The following AASDH variants were observed in gnomAD, a reference collection of about 807,000 sequenced individuals.
AASDH encodes aminoadipate-semialdehyde dehydrogenase.
Under a neutral mutation model 102.3 loss-of-function variants are expected in AASDH, and 81 were observed. The observed-to-expected ratio is 0.79, with a 90% CI of 0.66 to 0.95. AASDH has a LOEUF of 0.95. Ranked by LOEUF, AASDH falls within the 40% of genes least tolerant of loss-of-function variation. AASDH has a pLI of 0.00. For missense variants in AASDH, 1,203 were observed against 1,266.2 expected (o/e 0.95, Z 0.76); for synonymous variants, 398 against 454.0 (o/e 0.88, Z 1.57).
At chr4:56,363,022 C>A (rs527900210) in intron 5 of AASDH, among the ~76,000 whole-genome samples, 59 of 152,368 alleles carry the variant, frequency 3.9e-4, no homozygotes, top group African/African-American at 1.4e-3. Context: ...GTCACTCCCA[C>A]ACTAATACTG....
At chr4:56,350,484 TATAAA>T (rs542572185) in intron 10 of AASDH, among the ~76,000 whole-genome samples, 116 of 151,792 alleles carry the variant, frequency 7.6e-4, no homozygotes, top group African/African-American at 2.7e-3. Context: ...CAATTAGAAA[TATAAA>T]ATAAATACTT....
chr4:56,346,632 T>C (rs1171410457), intron 11 of AASDH, among the ~76,000 whole-genome samples: 1 of 152,164 alleles, frequency 6.6e-6, no homozygotes, highest in Admixed American at 6.5e-5. Context: ...ATCTGATAAA[T>C]GATTTATATT....
chr4:56,371,949 C>G (rs1390547362), intron 4 of AASDH, among the ~76,000 whole-genome samples: 2 of 152,110 alleles, frequency 1.3e-5, no homozygotes, highest in Non-Finnish European at 1.5e-5. Flanking sequence ...AGTATGTTTC[C>G]TGTTAGGGAA....
chr4:56,342,956 T>A lies in AASDH; in HGVS notation c.2786A>T (p.Asn929Ile), dbSNP rs760055584. Residue 929 changes from asparagine (N) to isoleucine (I), a missense_variant, in exon 14 of 15, where the codon AAC (asparagine) becomes ATC (isoleucine). By Grantham distance (149) the Asn-to-Ile change is moderately radical. Transcript: ENST00000205214. ...LLLAVNPATGNVIWKHSCGKP... is the reference protein window; with the variant it reads ...LLLAVNPATGIVIWKHSCGKP... ...TCCACAGGAATGTTTCCAAATAACGTTCCCAGTAGCCTGTCACAGGAAAAA... is the reference window on the plus strand; with the variant it reads ...TCCACAGGAATGTTTCCAAATAACGATCCCAGTAGCCTGTCACAGGAAAAA... 2.5e-6 allele frequency: 4 copies of A among 1,584,104 alleles called. No individual in the cohort carries two copies. In the African/African-American group the frequency reaches 4.1e-5, roughly 16 times the overall value.
intron 14 of AASDH, among the ~76,000 whole-genome samples, chr4:56,341,199 C>T (rs184246699): frequency 4.6e-5 from 7 of 152,230 alleles, no homozygotes; most frequent in African/African-American, 1.2e-4. Context: ...ACAACCTGCA[C>T]TCCCATCTCC....
At chr4:56,365,120 G>C (rs1302921514) in intron 5 of AASDH, among the ~76,000 whole-genome samples, 1 of 152,104 alleles carries the variant, frequency 6.6e-6, no homozygotes, top group Non-Finnish European at 1.5e-5. Flanking sequence ...AAGAGACAAA[G>C]AAGGCCATTA....
At position 56,338,711 on chromosome 4, in the gene AASDH, G is replaced by T. The variant is rs1436388990; in HGVS notation, c.2988C>A (p.Ser996=). Residue 996 remains serine (S), a synonymous_variant, in exon 15 of 15, where the codon TCC becomes TCA. Coordinates refer to ENST00000205214, the MANE Select transcript of AASDH (RefSeq NM_181806.4). The part of the protein sequence containing the change: ...SPSEQKIFFG[S]HDCFIYCCNM... ...TACAACAGTAGATAAAGCAATCATG[G>T]GAACCAAAAAATATTTTTTGCTCTG... 1.2e-6 allele frequency: 2 copies of T among 1,613,924 alleles called. No individual in the cohort carries two copies. Among genetic ancestry groups the T allele is most frequent in the Admixed American group, 3.3e-5 (2 of 59,978 alleles).
chr4:56,344,940 CTT>C (rs11357105), intron 12 of AASDH, among the ~76,000 whole-genome samples, 185 bp downstream of exon 12: 3,149 of 124,052 alleles, frequency 0.025, 38 homozygotes, highest in South Asian at 0.05. Flanking sequence ...AATTTTCTTT[CTT>C]TTTTTTTTTT....
chr4:56,353,196 C>A (rs1485257833), intron 9 of AASDH, among the ~76,000 whole-genome samples: 1 of 152,082 alleles, frequency 6.6e-6, no homozygotes, highest in Non-Finnish European at 1.5e-5. Flanking sequence ...GCCTTATTTT[C>A]TTCATCTGTA....
At chr4:56,346,089 T>C (rs1265692778) in intron 11 of AASDH, among the ~76,000 whole-genome samples, 2 of 152,200 alleles carry the variant, frequency 1.3e-5, no homozygotes, top group African/African-American at 2.4e-5. Context: ...GTAGCCAAAA[T>C]AACCTAACTG....
rs1380923337 is a variant in AASDH, at chr4:56,353,458, G to A, written c.1522C>T (p.His508Tyr). Residue 508 changes from histidine (H) to tyrosine (Y), a missense_variant, in exon 9 of 15, where the codon CAT becomes TAT. Coordinates refer to ENST00000205214, the MANE Select transcript of AASDH (RefSeq NM_181806.4). The stretch of plus-strand genomic sequence containing the variant: ...AATACAAGCTCATCCGGGACTGCAT[G>A]ACTTGGAAGATATTTCTGCAGTTCT... ...FKELQKYLPS[H>Y]AVPDELVLID... The A allele has an allele frequency of 6.2e-7, 1 of 1,613,886 alleles. No individual in the cohort carries two copies.
chr4:56,347,692 G>C (rs4864578), intron 11 of AASDH, among the ~76,000 whole-genome samples: 1 of 151,814 alleles, frequency 6.6e-6, no homozygotes, highest in East Asian at 1.9e-4. Flanking sequence ...GCTTGAGCCC[G>C]GGAGTTTGAG....
chr4:56,349,844 A>C lies in AASDH; in HGVS notation c.1907T>G (p.Val636Gly). 1 of 1,614,168 alleles carries C rather than the reference A, an allele frequency of 6.2e-7. No homozygotes were observed. The highest frequency in any genetic ancestry group is 1.1e-5 in the South Asian group (1 of 91,082). The change falls in exon 11 of 15, where the codon GTG (valine) becomes GGG (glycine). Residue 636 changes from valine to glycine, a missense_variant. Coordinates refer to ENST00000205214, the MANE Select transcript of AASDH (RefSeq NM_181806.4). ...ILQTVVPDED[V>G]TFRKSCATKR... ...TGTGGCACAACTCTTCCTGAATGTC[A>C]CATCTTCATCTGGAACCACTGTTTG...
intron 9 of AASDH, among the ~76,000 whole-genome samples, chr4:56,351,778 A>T (rs1307637479): frequency 1.3e-5 from 2 of 151,900 alleles, no homozygotes; most frequent in African/African-American, 2.4e-5. Flanking sequence ...CAGAAAAATT[A>T]AAAAATTGGC....
At chr4:56,365,686 A>C (rs1457837798) in intron 5 of AASDH, among the ~76,000 whole-genome samples, 1 of 152,206 alleles carries the variant, frequency 6.6e-6, no homozygotes, top group Non-Finnish European at 1.5e-5. Context: ...ACAAAGACAC[A>C]ACATACCAGA....
At chr4:56,381,584 C>CA (rs564727163) in intron 3 of AASDH, among the ~76,000 whole-genome samples, 1,936 of 124,444 alleles carry the variant, frequency 0.016, 50 homozygotes, top group African/African-American at 0.051. Flanking sequence ...GACTCTGGCT[C>CA]AAAAAAAAAA....
rs1291991858 is a variant in AASDH, at chr4:56,345,116, T to C, written c.2652+11A>G. On this transcript the variant is annotated intron_variant, in intron 12 of 14. Transcript: ENST00000205214. ...GCCACCATGCCCAGCTAATTTGAGGTCAATCCTTACATAAATATCTAAAGC... is the reference window on the plus strand; with the variant it reads ...GCCACCATGCCCAGCTAATTTGAGGCCAATCCTTACATAAATATCTAAAGC... The C allele has an allele frequency of 6.2e-7, 1 of 1,613,190 alleles. No individual in the cohort carries two copies.
At chr4:56,356,317 G>A in intron 5 of AASDH, 1 of 1,409,224 alleles carries the variant, frequency 7.1e-7, no homozygotes, top group South Asian at 1.2e-5. Context: ...GCTCTATCAG[G>A]TTGCAGCGGC....
intron 1 of AASDH, among the ~76,000 whole-genome samples, chr4:56,387,126 C>G (rs1315742275): frequency 6.6e-6 from 1 of 152,150 alleles, no homozygotes; most frequent in Non-Finnish European, 1.5e-5. Context: ...TAGCTGAGCG[C>G]GGAGCACACT....
Sources: allele counts gnomAD v4.1 joint callset (sites outside exome capture counted in the v4.1 genomes callset), GRCh38; gene constraint gnomAD v4.1.1; transcripts MANE v1.5; gene names NCBI Gene and HGNC (gene_info 2026-07-23, HGNC 2026-07-21).